The following TBXAS1 variants were observed in gnomAD, a reference collection of about 807,000 sequenced individuals.
TBXAS1 encodes thromboxane A synthase 1, also known as thromboxane-A synthase.
A neutral mutation model predicts 60.7 loss-of-function variants in TBXAS1; 48 were observed. The observed-to-expected ratio is 0.79, with a 90% CI of 0.63 to 1.01. The LOEUF (loss-of-function observed/expected upper bound fraction) is 1.01, where lower values mean the gene tolerates loss of function less well. Ranked by LOEUF, TBXAS1 falls within the 50% of genes least tolerant of loss-of-function variation. The pLI is 0.00. For missense variants in TBXAS1, 685 were observed against 686.3 expected, an observed-to-expected ratio of 1.00 and a Z score of 0.02; for synonymous variants, 287 against 269.7, an observed-to-expected ratio of 1.06 and a Z score of -0.63.
chr7:139,859,588 T>A (rs76695902), intron 1 of TBXAS1, among the ~76,000 whole-genome samples: 6,723 of 152,230 alleles, frequency 0.044, 467 homozygotes, highest in African/African-American at 0.15. Flanking sequence ...AATGAATTCA[T>A]TTCAATTTAT....
intron 4 of TBXAS1, among the ~76,000 whole-genome samples, chr7:139,928,818 C>T (rs1051628599): frequency 6.6e-6 from 1 of 152,214 alleles, no homozygotes; most frequent in African/African-American, 2.4e-5. Context: ...TCTCAGTGAA[C>T]TTGTTCCTAA....
In TBXAS1 at chr7:139,778,468, G is replaced by A. The variant is rs1796852583; in HGVS notation, c.-321G>A. On this transcript the variant is annotated 5_prime_UTR_variant, in exon 1 of 17. Coordinates refer to the TBXAS1 transcript ENST00000336425. The surrounding 1 kb of genome is among the most constrained non-coding windows in gnomAD (Gnocchi z 4.8). ...CATCTCACAGCCGGTTGGCGCTCGC[G>A]GAGGTAGGAGTGGAATGAATGAATG... 6.5e-6 allele frequency: 1 copy of A among 152,828 alleles called. No individual in the cohort carries two copies. Among genetic ancestry groups the A allele is most frequent in the Non-Finnish European group, 1.5e-5 (1 of 68,200 alleles). The allele number at this position is 152,828 out of a possible 1,614,324, so 9.5% of individuals were successfully genotyped here.
In TBXAS1 at chr7:139,999,711, G is replaced by A. The variant is rs893480896; in HGVS notation, c.1135-7380G>A. Reference sequence around the variant, plus strand: ...GCCCCAAGCTGTCCTCGTGCTTAAGGGATTTCCAGCTCCGGCTTCTAGAGG... The same window carrying A: ...GCCCCAAGCTGTCCTCGTGCTTAAGAGATTTCCAGCTCCGGCTTCTAGAGG... On this transcript the variant is annotated intron_variant, in intron 9 of 12. Transcript: ENST00000448866. The surrounding 1 kb of genome is among the most constrained non-coding windows in gnomAD (Gnocchi z 4.3). 1.4e-4 allele frequency among the ~76,000 whole-genome samples: 21 copies of A among 152,148 alleles called. No homozygotes were observed. The highest frequency in any genetic ancestry group is 4.6e-4 in the African/African-American group (19 of 41,432).
intron 5 of TBXAS1, among the ~76,000 whole-genome samples, chr7:139,949,280 G>C (rs531047846): frequency 1.1e-4 from 17 of 152,260 alleles, no homozygotes; most frequent in Admixed American, 7.8e-4. Context: ...AAAGCTTCAA[G>C]CTAGATATCT....
intron 9 of TBXAS1, among the ~76,000 whole-genome samples, chr7:139,993,892 C>CTTTTT (rs71170931): frequency 5.4e-4 from 60 of 111,692 alleles, no homozygotes; most frequent in African/African-American, 6.7e-4. Flanking sequence ...TTCTTTCTTT[C>CTTTTT]TTTTTTTTTT....
At chr7:139,956,177 G>A (rs1011559165) in intron 7 of TBXAS1, among the ~76,000 whole-genome samples, 8 of 151,964 alleles carry the variant, frequency 5.3e-5, no homozygotes, top group South Asian at 2.1e-4. Flanking sequence ...ATGGAGTTTC[G>A]CTGTTGTTGT....
intron 1 of TBXAS1, among the ~76,000 whole-genome samples, chr7:139,853,988 C>T (rs995917907): frequency 6.6e-5 from 10 of 152,018 alleles, no homozygotes; most frequent in Admixed American, 1.3e-4. Flanking sequence ...AGCAGAAAGC[C>T]GAAGAGCAAT....
intron 1 of TBXAS1, among the ~76,000 whole-genome samples, chr7:139,859,658 TAA>T (rs1270239332): frequency 6.6e-6 from 1 of 152,196 alleles, no homozygotes; most frequent in African/African-American, 2.4e-5. Flanking sequence ...GCCAAAATTA[TAA>T]AGGGGCTATA....
intron 4 of TBXAS1, among the ~76,000 whole-genome samples, chr7:139,815,815 A>G (rs543094714): frequency 1.3e-5 from 2 of 152,292 alleles, no homozygotes; most frequent in South Asian, 4.1e-4. Flanking sequence ...GTGACCAGGA[A>G]AGCAGTAAAG....
At chr7:139,836,262 A>C (rs996548678) in intron 1 of TBXAS1, among the ~76,000 whole-genome samples, 2 of 152,150 alleles carry the variant, frequency 1.3e-5, no homozygotes, top group African/African-American at 2.4e-5. Context: ...CTACAAATTC[A>C]ATGCAGTCTG....
At position 139,833,509 on chromosome 7, in the gene TBXAS1, CAAAAAAAAAAAA is replaced by C. The variant is rs56291914; in HGVS notation, c.89+4045_89+4056del. 2.1e-3 allele frequency among the ~76,000 whole-genome samples: 153 copies of C among 74,402 alleles called. 2 individuals are homozygous for C. Among genetic ancestry groups the C allele is most frequent in the African/African-American group, 5.8e-3 (145 of 24,856 alleles). 48.8% of individuals were successfully genotyped at this position (74,402 alleles called of 152,430 possible). ...TGAAACCCCGTCTCTACTAAAAATA[CAAAAAAAAAAAA>C]AAAAAAAAAAAAAATTAGAGGGGTG... On this transcript the variant is annotated intron_variant, in intron 1 of 12. Coordinates refer to ENST00000448866, the MANE Select transcript of TBXAS1 (RefSeq NM_001061.7).
At chr7:139,991,684 A>T (rs915087346) in intron 9 of TBXAS1, among the ~76,000 whole-genome samples, 6 of 152,250 alleles carry the variant, frequency 3.9e-5, no homozygotes, top group Non-Finnish European at 8.8e-5. Flanking sequence ...ATCGTTTTAC[A>T]TGGAAGATGG....
intron 1 of TBXAS1, among the ~76,000 whole-genome samples, chr7:139,866,967 C>T (rs1383241294): frequency 1.3e-5 from 2 of 152,178 alleles, no homozygotes; most frequent in Admixed American, 6.5e-5. Context: ...TCACACCCTG[C>T]TTCCATTTCT....
At position 139,921,381 on chromosome 7, in the gene TBXAS1, T is replaced by C. The variant is rs191574825; in HGVS notation, c.333+10060T>C. Among the ~76,000 whole-genome samples the C allele has an allele frequency of 2.6e-5, 4 of 152,356 alleles. No homozygotes were observed. The East Asian group carries it at 7.7e-4, about 29-fold the overall frequency. On this transcript the variant is annotated intron_variant, in intron 4 of 12. Transcript: ENST00000448866. ...GGCATCTTTTGCTCAACATAATGTC[T>C]GTAAGAGTCATCCATACCACGTATT...
At chr7:139,881,187 TTAAA>T (rs1392440319) in intron 3 of TBXAS1, among the ~76,000 whole-genome samples, 4 of 152,348 alleles carry the variant, frequency 2.6e-5, no homozygotes, top group East Asian at 3.9e-4. Context: ...TTTATATGCC[TTAAA>T]TAGTTTCTCC....
chr7:139,960,256 C>A (rs1158519351), intron 8 of TBXAS1, among the ~76,000 whole-genome samples: 4 of 152,136 alleles, frequency 2.6e-5, no homozygotes, highest in African/African-American at 7.2e-5. Context: ...TGTCAGCAGC[C>A]AAGACTCCCG....
chr7:139,854,211 G>T (rs1486574435), intron 1 of TBXAS1, among the ~76,000 whole-genome samples: 1 of 152,034 alleles, frequency 6.6e-6, no homozygotes, highest in Admixed American at 6.5e-5. Flanking sequence ...CCTCTCCTTT[G>T]TCTTGGCCCT....
At chr7:139,998,454 G>C (rs547599946) in intron 9 of TBXAS1, among the ~76,000 whole-genome samples, 1 of 152,158 alleles carries the variant, frequency 6.6e-6, no homozygotes, top group Admixed American at 6.5e-5. Context: ...AATGGAAAAG[G>C]CTTGGAATTT....
intron 1 of TBXAS1, among the ~76,000 whole-genome samples, chr7:139,871,213 C>T (rs73734130): frequency 0.02 from 3,071 of 152,238 alleles, 90 homozygotes; most frequent in African/African-American, 0.07. Flanking sequence ...ATAGCAAATA[C>T]TCTGTCCTTT....
Sources: allele counts gnomAD v4.1 joint callset (sites outside exome capture counted in the v4.1 genomes callset), GRCh38; gene constraint gnomAD v4.1.1; non-coding constraint Gnocchi (gnomAD v3.1); transcripts MANE v1.5; gene names NCBI Gene and HGNC (gene_info 2026-07-23, HGNC 2026-07-21).